The following ATP4A variants were observed in gnomAD, a reference collection of about 807,000 sequenced individuals.
The protein encoded by ATP4A is potassium-transporting ATPase alpha chain 1.
Under a neutral mutation model 112.1 loss-of-function variants are expected in ATP4A, and 73 were observed. The observed-to-expected ratio is 0.65, with a 90% confidence interval of 0.54 to 0.79. ATP4A has a LOEUF of 0.79. Among genes scored for constraint, ATP4A ranks in the 30% least tolerant of loss-of-function variants. The pLI is 0.00. For missense variants in ATP4A, 1,081 were observed against 1,425.9 expected, an observed-to-expected ratio of 0.76 and a Z score of 3.90; for synonymous variants, 588 against 588.9, an observed-to-expected ratio of 1.00 and a Z score of 0.02.
chr19:35,560,679 G>T lies in ATP4A; in HGVS notation c.535-64C>A. On this transcript the variant is annotated intron_variant, in intron 5 of 21. Transcript: ENST00000262623. The surrounding 1 kb of genome is among the most constrained non-coding windows in gnomAD (Gnocchi z 5.1). The stretch of plus-strand genomic sequence containing the variant: ...TGGGGGTGGGAGCTGCTGCATGTGG[G>T]GAGGTAAAGGATGAGGAGAGCTGGG... The T allele has an allele frequency of 3.1e-6, 5 of 1,589,734 alleles. No individual in the cohort carries two copies. Among genetic ancestry groups the T allele is most frequent in the Non-Finnish European group, 4.3e-6 (5 of 1,164,982 alleles).
chr19:35,553,827 G>C lies in ATP4A; in HGVS notation c.2484C>G (p.Phe828Leu). The change falls in exon 17 of 22, where the codon TTC (phenylalanine) becomes TTG (leucine). Residue 828 changes from phenylalanine to leucine, a missense_variant and splice_region_variant. By Grantham distance (22) the Phe-to-Leu change is conservative (BLOSUM62 0). Coordinates refer to ENST00000262623, the MANE Select transcript of ATP4A (RefSeq NM_000704.3). Reference protein sequence around the residue: ...ILFIELCTDIFPSVSLAYEKA... With the variant: ...ILFIELCTDILPSVSLAYEKA... ...TTTCATATGCCAGGGACACAGATGG[G>C]AACTGGCCAGGAGTGGAAGGAACTG... 1 of 1,571,596 alleles carries C rather than the reference G, an allele frequency of 6.4e-7. No homozygotes were observed. The highest frequency in any genetic ancestry group is 8.6e-7 in the Non-Finnish European group (1 of 1,157,852).
At position 35,558,164 on chromosome 19, in the gene ATP4A, C is replaced by G; in HGVS notation, c.1500+198G>C. ...CATGGACAGTCCCGCCGAGGAGAAG[C>G]TGTGGGCGGGGCTGGGTGGTGGGCG... is the stretch of plus-strand genomic sequence containing the variant. On this transcript the variant is annotated intron_variant, in intron 10 of 21. Coordinates refer to ENST00000262623, the MANE Select transcript of ATP4A (RefSeq NM_000704.3). The surrounding 1 kb of genome is among the most constrained non-coding windows in gnomAD (Gnocchi z 5.1). The G allele has an allele frequency of 1.4e-6, 1 of 735,732 alleles. No homozygotes were observed. The allele number at this position is 735,732 out of a possible 1,614,324, so 45.6% of individuals were successfully genotyped here.
chr19:35,554,897 TG>T (rs2071621434), intron 16 of ATP4A, 24 bp downstream of exon 16: 1 of 1,613,582 alleles, frequency 6.2e-7, no homozygotes, highest in African/African-American at 1.3e-5. Flanking sequence ...ACCCTGTGGA[TG>T]GGTACCCTGG....
rs529224937 is a variant in ATP4A, at chr19:35,551,777, A to T, written c.2752-197T>A. 1.3e-5 allele frequency among the ~76,000 whole-genome samples: 2 copies of T among 152,292 alleles called. No homozygotes were observed. The highest frequency in any genetic ancestry group is 4.1e-4 in the South Asian group (2 of 4,828). On this transcript the variant is annotated intron_variant, in intron 18 of 21. Transcript: ENST00000262623. This position sits in a 1 kb window ranked among gnomAD's most constrained non-coding sequence, Gnocchi z 5.2. ...TGCAGGACCCCAGAACGTGGGGCCCAGAAACCTCAGCCTAGCAGAGCTTGG... is the reference window on the plus strand; with the variant it reads ...TGCAGGACCCCAGAACGTGGGGCCCTGAAACCTCAGCCTAGCAGAGCTTGG...
rs200169647 is a variant in ATP4A at position 35,558,679 on chromosome 19, C to T, written c.1263G>A (p.Thr421=). The change falls in exon 9 of 22, where the codon ACG becomes ACA. Residue 421 remains threonine (T), a synonymous_variant. Transcript: ENST00000262623. The surrounding 1 kb of genome is among the most constrained non-coding windows in gnomAD (Gnocchi z 5.1). The stretch of plus-strand genomic sequence containing the variant: ...GCCACGTCTCCGAGGACTGGTCAAA[C>T]GTCTGCCCTGCAGACCAGGCGTCCA... ...ADTTEDQSGQ[T]FDQSSETWRA... is the part of the protein sequence containing the mutation. The T allele has an allele frequency of 2.6e-5, 41 of 1,597,694 alleles. No homozygotes were observed. The African/African-American group carries it at 4.5e-4, about 18-fold the overall frequency.
In ATP4A at chr19:35,560,111, C is replaced by A. The variant is rs369831498; in HGVS notation, c.788-38G>T. The A allele has an allele frequency of 3.0e-5, 49 of 1,608,624 alleles. No homozygotes were observed. Among genetic ancestry groups the A allele is most frequent in the Non-Finnish European group, 4.1e-5 (48 of 1,177,492 alleles). ...CAAGGCGCGACTCAGGGATAGGGGGCGGCAGTGGGGTGTGCACTGCCGTGT... is the reference window on the plus strand; with the variant it reads ...CAAGGCGCGACTCAGGGATAGGGGGAGGCAGTGGGGTGTGCACTGCCGTGT... On this transcript the variant is annotated intron_variant, in intron 6 of 21. Transcript: ENST00000262623. This position sits in a 1 kb window ranked among gnomAD's most constrained non-coding sequence, Gnocchi z 5.1.
chr19:35,555,154 C>T lies in ATP4A; in HGVS notation c.2326+12G>A, dbSNP rs376393633. The stretch of plus-strand genomic sequence containing the variant: ...CCCACACTGCCTGCCCTCCCCCTGG[C>T]GTGGCTCGGACCCTGCTCCACGCCT... On this transcript the variant is annotated intron_variant, in intron 15 of 21. Coordinates refer to ENST00000262623, the MANE Select transcript of ATP4A (RefSeq NM_000704.3). This position sits in a 1 kb window ranked among gnomAD's most constrained non-coding sequence, Gnocchi z 6.6. 24 of 1,613,978 alleles carry T rather than the reference C, an allele frequency of 1.5e-5. No homozygotes were observed. Among genetic ancestry groups the T allele is most frequent in the African/African-American group, 6.7e-5 (5 of 74,918 alleles).
intron 18 of ATP4A, 78 bp downstream of exon 18, chr19:35,552,959 A>C: frequency 6.7e-7 from 1 of 1,487,788 alleles, no homozygotes. Context: ...ACGTGGAGGA[A>C]CAAGTGGGCC....
At chr19:35,552,895 C>G (rs1375556170) in intron 18 of ATP4A, 142 bp downstream of exon 18, 4 of 1,106,224 alleles carry the variant, frequency 3.6e-6, no homozygotes, top group Non-Finnish European at 5.0e-6. Context: ...CCCTTGCCCC[C>G]CCGAACTGGC....
chr19:35,559,012 G>A lies in ATP4A; in HGVS notation c.1236C>T (p.Asp412=). 1 of 1,614,198 alleles carries A rather than the reference G, an allele frequency of 6.2e-7. No homozygotes were observed. The highest frequency in any genetic ancestry group is 8.5e-7 in the Non-Finnish European group (1 of 1,180,030). Residue 412 remains aspartate, a synonymous_variant, in exon 8 of 22, where the codon GAC becomes GAT. Coordinates refer to ENST00000262623, the MANE Select transcript of ATP4A (RefSeq NM_000704.3). This position sits in a 1 kb window ranked among gnomAD's most constrained non-coding sequence, Gnocchi z 4.1. The part of the protein sequence containing the change: ...LWFDNHIHTA[D]TTEDQSGQTF... Reference sequence around the variant, plus strand: ...CCACACCTGACTGGTCTTCCGTGGTGTCAGCTGTGTGGATGTGGTTGTCAA... The same window carrying A: ...CCACACCTGACTGGTCTTCCGTGGTATCAGCTGTGTGGATGTGGTTGTCAA...
rs2071653313 is a variant in ATP4A at position 35,559,304 on chromosome 19, G to A, written c.1057-113C>T. The A allele has an allele frequency of 3.5e-6, 4 of 1,136,470 alleles. No homozygotes were observed. The highest frequency in any genetic ancestry group is 1.5e-5 in the African/African-American group (1 of 65,168). 70.4% of individuals were successfully genotyped at this position (1,136,470 alleles called of 1,614,324 possible). A position where few individuals can be genotyped will look rare whatever the true frequency, so the allele number is the denominator to read the frequency against. Reference sequence around the variant, plus strand: ...CCAGCCGCGGGGCTGCGTGTGCAACGTGCTTCTGCAAACACCAGGTGTTTT... The same window carrying A: ...CCAGCCGCGGGGCTGCGTGTGCAACATGCTTCTGCAAACACCAGGTGTTTT... On this transcript the variant is annotated intron_variant, in intron 7 of 21. Transcript: ENST00000262623. The surrounding 1 kb of genome is among the most constrained non-coding windows in gnomAD (Gnocchi z 4.1).
intron 16 of ATP4A, 93 bp downstream of exon 16, chr19:35,554,829 A>G: frequency 6.5e-7 from 1 of 1,540,098 alleles, no homozygotes. Flanking sequence ...TCTGTGCCCA[A>G]GAGTGTCTGT....
Position 35,553,198 on chromosome 19 carries a change from G to A in ATP4A, c.2606-16C>T. ...TGAATGGCACCTGGAGAGAGACAAG[G>A]GGACACAGGGAGACAGAGATGGACA... On this transcript the variant is annotated splice_polypyrimidine_tract_variant and intron_variant, in intron 17 of 21. Transcript: ENST00000262623. The A allele has an allele frequency of 6.3e-7, 1 of 1,585,010 alleles. No homozygotes were observed. Among genetic ancestry groups the A allele is most frequent in the South Asian group, 1.1e-5 (1 of 89,140 alleles).
In ATP4A at chr19:35,560,723, A is replaced by G; in HGVS notation, c.534+96T>C. 2 of 1,581,932 alleles carry G rather than the reference A, an allele frequency of 1.3e-6. No homozygotes were observed. The highest frequency in any genetic ancestry group is 1.7e-6 in the Non-Finnish European group (2 of 1,153,206). ...AGCTGGGACCCATGGGGAGAGATGGAGGCCACAGATGAGGGACAGGGGCCT... is the reference window on the plus strand; with the variant it reads ...AGCTGGGACCCATGGGGAGAGATGGGGGCCACAGATGAGGGACAGGGGCCT... On this transcript the variant is annotated intron_variant, in intron 5 of 21. Transcript: ENST00000262623. The surrounding 1 kb of genome is among the most constrained non-coding windows in gnomAD (Gnocchi z 5.1).
chr19:35,551,977 G>A lies in ATP4A; in HGVS notation c.2752-397C>T, dbSNP rs1418666694. On this transcript the variant is annotated intron_variant, in intron 18 of 21. Transcript: ENST00000262623. This position sits in a 1 kb window ranked among gnomAD's most constrained non-coding sequence, Gnocchi z 5.2. Reference sequence around the variant, plus strand: ...CAAAAATAGGTGAGGCAGTCACCGCGGGCCTTTGGGAAAAGAGGGCAGATG... The same window carrying A: ...CAAAAATAGGTGAGGCAGTCACCGCAGGCCTTTGGGAAAAGAGGGCAGATG... Among the ~76,000 whole-genome samples, 6 of 152,146 alleles carry A rather than the reference G, an allele frequency of 3.9e-5. No homozygotes were observed. The highest frequency in any genetic ancestry group is 1.3e-4 in the Admixed American group (2 of 15,280).
intron 3 of ATP4A, 38 bp downstream of exon 3, chr19:35,563,171 C>G (rs1419037863): frequency 6.2e-7 from 1 of 1,610,918 alleles, no homozygotes; most frequent in East Asian, 2.2e-5. Flanking sequence ...TCCCTCTCTC[C>G]TCCTCCCCTT....
In ATP4A at chr19:35,555,249, G is replaced by C. The variant is rs1464672489; in HGVS notation, c.2243C>G (p.Ala748Gly). Residue 748 changes from alanine to glycine, a missense_variant, in exon 15 of 22, where the codon GCT becomes GGT. Physicochemically the swap from Ala to Gly is moderately conservative, Grantham distance 60. Coordinates refer to ENST00000262623, the MANE Select transcript of ATP4A (RefSeq NM_000704.3). The surrounding 1 kb of genome is among the most constrained non-coding windows in gnomAD (Gnocchi z 6.6). ...KADIGVAMGI[A>G]GSDAAKNAAD... ...TGCATTTTTGGCAGCATCTGAGCCA[G>C]CGATGCCCATGGCTACTCCGATGTC... 2 of 1,614,100 alleles carry C rather than the reference G, an allele frequency of 1.2e-6. No individual in the cohort carries two copies. Among genetic ancestry groups the C allele is most frequent in the South Asian group, 2.2e-5 (2 of 91,094 alleles).
In ATP4A at chr19:35,551,478, G is replaced by T; in HGVS notation, c.2854C>A (p.Arg952Ser). 6.2e-7 allele frequency: 1 copy of T among 1,614,142 alleles called. No individual in the cohort carries two copies. Among genetic ancestry groups the T allele is most frequent in the Non-Finnish European group, 8.5e-7 (1 of 1,180,012 alleles). The change falls in exon 19 of 22, where the codon CGT (arginine) becomes AGT (serine). Residue 952 changes from arginine to serine, a missense_variant. Arg to Ser is a moderately radical substitution (Grantham distance 110, BLOSUM62 -1). Around this residue, in one of 3 missense-constraint regions of ATP4A, gnomAD observed 219 missense variants for 320.9 expected, o/e 0.68. Coordinates refer to ENST00000262623, the MANE Select transcript of ATP4A (RefSeq NM_000704.3). This position sits in a 1 kb window ranked among gnomAD's most constrained non-coding sequence, Gnocchi z 5.2. ...IADVLIRKTR[R>S]LSAFQQGFFR... ...AAGCCTTGCTGGAAGGCAGAGAGACGGCGCGTCTTGCGGATGAGGACATCG... is the reference window on the plus strand; with the variant it reads ...AAGCCTTGCTGGAAGGCAGAGAGACTGCGCGTCTTGCGGATGAGGACATCG...
intron 16 of ATP4A, among the ~76,000 whole-genome samples, chr19:35,554,648 T>C (rs1437854656): frequency 6.6e-6 from 1 of 152,228 alleles, no homozygotes; most frequent in Non-Finnish European, 1.5e-5. Context: ...TCTGTTTCCA[T>C]CTCTGTCTGA....
Sources: gnomAD v4.1 joint callset for allele counts (sites outside exome capture counted in the v4.1 genomes callset) on GRCh38, gnomAD v4.1.1 for gene constraint, gnomAD v4.1.1 regional missense constraint, Gnocchi (gnomAD v3.1) non-coding constraint, MANE v1.5 for transcripts, NCBI Gene and HGNC (gene_info 2026-07-23, HGNC 2026-07-21) for gene names.